The following KALRN variants were observed in gnomAD, a reference collection of about 807,000 sequenced individuals.
KALRN encodes kalirin.
In KALRN, 70 loss-of-function variants were observed where a neutral mutation model predicts 353.7. That is an observed-to-expected ratio of 0.20 (90% CI 0.16 to 0.24). The LOEUF (loss-of-function observed/expected upper bound fraction) is 0.24. Among genes scored for constraint, KALRN ranks in the 10% least tolerant of loss-of-function variants. KALRN has a pLI of 1.00. For missense variants in KALRN, 2,791 were observed against 3,756.7 expected (o/e 0.74, Z 6.72); for synonymous variants, 1,391 against 1,434.8 (o/e 0.97, Z 0.69).
Position 124,664,371 on chromosome 3 carries a change from G to GCGCGCGCGCGCA in KALRN, c.6346-2077_6346-2066dup, listed in dbSNP as rs1553719840. On this transcript the variant is annotated intron_variant, in intron 45 of 59. Transcript: ENST00000682506. ...TGTGTGTGTGTGTGTGTGTGTGTGT[G>GCGCGCGCGCGCA]CGCGCGCGCGCATATAAGGGCACCC... Among the ~76,000 whole-genome samples the GCGCGCGCGCGCA allele has an allele frequency of 2.3e-3, 176 of 77,056 alleles. 4 individuals carry two copies. The East Asian group carries it at 0.081, about 35-fold the overall frequency. 50.6% of individuals were successfully genotyped at this position (77,056 alleles called of 152,430 possible). A position where few individuals can be genotyped will look rare whatever the true frequency, so the allele number is the denominator to read the frequency against.
At chr3:124,178,712 T>G (rs1424542851) in intron 1 of KALRN, among the ~76,000 whole-genome samples, 1 of 152,236 alleles carries the variant, frequency 6.6e-6, no homozygotes, top group African/African-American at 2.4e-5. Context: ...GAATTTACTT[T>G]GGGTGAGTCA....
intron 13 of KALRN, among the ~76,000 whole-genome samples, chr3:124,400,552 C>T (rs1265007380): frequency 2.0e-5 from 3 of 152,042 alleles, no homozygotes; most frequent in Admixed American, 2.0e-4. Context: ...AGTATCAACA[C>T]ACATTTTGAA....
chr3:124,636,785 C>G (rs1445553988), intron 36 of KALRN, among the ~76,000 whole-genome samples: 2 of 152,154 alleles, frequency 1.3e-5, no homozygotes, highest in African/African-American at 4.8e-5. Context: ...TGGACACACT[C>G]AAGGCTGGGT....
intron 5 of KALRN, among the ~76,000 whole-genome samples, chr3:124,290,125 T>G (rs1450119042): frequency 6.6e-6 from 1 of 152,148 alleles, no homozygotes; most frequent in Non-Finnish European, 1.5e-5. Flanking sequence ...CTAGATATGA[T>G]GTGTCAAGGA....
intron 33 of KALRN, among the ~76,000 whole-genome samples, chr3:124,555,238 A>G (rs541840350): frequency 6.6e-5 from 10 of 152,026 alleles, no homozygotes; most frequent in African/African-American, 2.4e-4. Flanking sequence ...TTAAAGAAAA[A>G]AAAAAGTTCT....
chr3:124,646,557 G>C (rs1364810702), intron 37 of KALRN, among the ~76,000 whole-genome samples: 1 of 151,502 alleles, frequency 6.6e-6, no homozygotes, highest in African/African-American at 2.4e-5. Flanking sequence ...CATCTGACTA[G>C]TTTTTGTATT....
At chr3:124,218,711 G>A (rs2077582853) in intron 1 of KALRN, among the ~76,000 whole-genome samples, 1 of 152,208 alleles carries the variant, frequency 6.6e-6, no homozygotes, top group Non-Finnish European at 1.5e-5. Flanking sequence ...TTTCTGGAGA[G>A]GGAGGGCGGG....
intron 23 of KALRN, among the ~76,000 whole-genome samples, chr3:124,457,228 C>A (rs1011569872): frequency 2.0e-5 from 3 of 152,086 alleles, no homozygotes; most frequent in Non-Finnish European, 4.4e-5. Flanking sequence ...CGCCACCATG[C>A]CTAGCTAATT....
intron 6 of KALRN, among the ~76,000 whole-genome samples, chr3:124,309,125 G>A (rs73188195): frequency 2.3e-4 from 35 of 152,056 alleles, no homozygotes; most frequent in Non-Finnish European, 4.4e-4. Flanking sequence ...TAGACCAATA[G>A]CAAGTGAAGA....
At chr3:124,567,880 T>C (rs924967237) in intron 34 of KALRN, among the ~76,000 whole-genome samples, 7 of 152,038 alleles carry the variant, frequency 4.6e-5, no homozygotes, top group African/African-American at 1.7e-4. Context: ...GAGGCTGAGA[T>C]GGGAGGATTG....
rs562370202 is a variant in KALRN, at chr3:124,180,417, A to G, written c.74-47573A>G. ...TCCCCCAGCTTTCATCAAGAAAGGT[A>G]GAATAAGCGACTCCTCTCCCTCTTC... On this transcript the variant is annotated intron_variant, in intron 1 of 59. Coordinates refer to ENST00000682506, the MANE Select transcript of KALRN (RefSeq NM_001388419.1). Among the ~76,000 whole-genome samples, 9 of 152,250 alleles carry G rather than the reference A, an allele frequency of 5.9e-5. No individual in the cohort carries two copies. The East Asian group carries it at 1.4e-3, about 23-fold the overall frequency.
At position 124,090,059 on chromosome 3, in the gene KALRN, G is replaced by A. The variant is rs1272389770; in HGVS notation, c.73+56246G>A. On this transcript the variant is annotated intron_variant, in intron 1 of 59. Transcript: ENST00000682506. ...AGAGGGCATGGGGCCCAGGGTAGAC[G>A]AGCTTTATAAGGTCCTGAAGGAGGA... is the stretch of plus-strand genomic sequence containing the variant. Among the ~76,000 whole-genome samples the A allele has an allele frequency of 2.6e-5, 4 of 152,114 alleles. No homozygotes were observed. The South Asian group carries it at 6.2e-4, about 24-fold the overall frequency.
At chr3:124,102,698 T>C (rs576300431) in intron 1 of KALRN, among the ~76,000 whole-genome samples, 2 of 152,334 alleles carry the variant, frequency 1.3e-5, no homozygotes, top group East Asian at 3.9e-4. Context: ...GAGTGGAGTT[T>C]CCCTGAGGGC....
intron 56 of KALRN, among the ~76,000 whole-genome samples, chr3:124,700,700 G>T (rs1232990017): frequency 1.3e-5 from 2 of 152,190 alleles, no homozygotes; most frequent in African/African-American, 4.8e-5. Flanking sequence ...GGCAGTGCAA[G>T]GGAGTGGTCT....
intron 3 of KALRN, among the ~76,000 whole-genome samples, chr3:124,260,257 C>A (rs1045752203): frequency 9.2e-5 from 14 of 152,174 alleles, no homozygotes; most frequent in African/African-American, 3.1e-4. Context: ...ACAAATATAT[C>A]TTCACAGCAA....
chr3:124,395,474 T>G, intron 12 of KALRN, 131 bp downstream of exon 12: 1 of 674,122 alleles, frequency 1.5e-6, no homozygotes, highest in South Asian at 1.9e-5. Context: ...ATCTGTAAGA[T>G]GTAAAAATGC....
intron 1 of KALRN, among the ~76,000 whole-genome samples, chr3:124,052,036 A>G (rs1425826822): frequency 6.6e-6 from 1 of 152,120 alleles, no homozygotes; most frequent in Non-Finnish European, 1.5e-5. Context: ...AGGTGGGGGG[A>G]CAGGGAAGCC....
Position 124,269,274 on chromosome 3 carries a change from A to C in KALRN, c.969+19A>C. 1.3e-6 allele frequency: 2 copies of C among 1,569,486 alleles called. No homozygotes were observed. Among genetic ancestry groups the C allele is most frequent in the Non-Finnish European group, 8.7e-7 (1 of 1,153,888 alleles). On this transcript the variant is annotated intron_variant, in intron 5 of 59. Transcript: ENST00000682506. Reference sequence around the variant, plus strand: ...TGAGAAGGTAGGAAGGGAACAGGCCAAACCTGAGCCGGGATGGGGGTGAGG... The same window carrying C: ...TGAGAAGGTAGGAAGGGAACAGGCCCAACCTGAGCCGGGATGGGGGTGAGG...
chr3:124,697,791 T>A, intron 55 of KALRN, 67 bp downstream of exon 55: 1 of 1,373,198 alleles, frequency 7.3e-7, no homozygotes, highest in Non-Finnish European at 9.7e-7. Flanking sequence ...AAAATTGCAG[T>A]AAAACACACA....
Sources: allele counts gnomAD v4.1 joint callset (sites outside exome capture counted in the v4.1 genomes callset), GRCh38; gene constraint gnomAD v4.1.1; transcripts MANE v1.5; gene names NCBI Gene and HGNC (gene_info 2026-07-23, HGNC 2026-07-21).